PPP2R3C: variants seen among roughly 807,000 people sequenced by gnomAD.
The protein encoded by PPP2R3C is protein phosphatase 2 regulatory subunit B''gamma.
A neutral mutation model predicts 63.7 loss-of-function variants in PPP2R3C; 47 were observed. The observed-to-expected ratio is 0.74, with a 90% CI of 0.58 to 0.94. PPP2R3C has a LOEUF of 0.94. Among genes scored for constraint, PPP2R3C ranks in the 40% least tolerant of loss-of-function variants. The pLI is 0.00. For missense variants in PPP2R3C, 421 were observed against 518.4 expected (o/e 0.81, Z 1.82); for synonymous variants, 180 against 177.4 (o/e 1.01, Z -0.12).
chr14:35,119,284 T>C (rs144795523), intron 1 of PPP2R3C, among the ~76,000 whole-genome samples: 1 of 152,126 alleles, frequency 6.6e-6, no homozygotes, highest in Non-Finnish European at 1.5e-5. Context: ...GTGATCTGCC[T>C]ACCTCGGCCT....
chr14:35,116,486 C>T (rs2046712436), intron 2 of PPP2R3C, 124 bp downstream of exon 2: 12 of 661,906 alleles, frequency 1.8e-5, no homozygotes, highest in Non-Finnish European at 2.7e-5. Flanking sequence ...AATTCCTGGA[C>T]TCAAGTGATC....
At position 35,085,566 on chromosome 14, in the gene PPP2R3C, T is replaced by C. The variant is rs780760043; in HGVS notation, c.*24A>G. 3 of 1,565,572 alleles carry C rather than the reference T, an allele frequency of 1.9e-6. No homozygotes were observed. Among genetic ancestry groups the C allele is most frequent in the South Asian group, 1.2e-5 (1 of 84,154 alleles). ...TGCAGCATTCAAGTATCTCATAATA[T>C]AAGACAGTCTAGTCTTTCAGAGATC... is the stretch of plus-strand genomic sequence containing the variant. On this transcript the variant is annotated 3_prime_UTR_variant, in exon 13 of 13. Coordinates refer to ENST00000261475, the MANE Select transcript of PPP2R3C (RefSeq NM_017917.4).
At chr14:35,093,589 C>T (rs1284255863) in intron 10 of PPP2R3C, among the ~76,000 whole-genome samples, 1 of 152,102 alleles carries the variant, frequency 6.6e-6, no homozygotes, top group Middle Eastern at 3.4e-3. Context: ...ATGTAAGACC[C>T]CCCCATTCTC....
chr14:35,097,971 A>T (rs1458252135), intron 7 of PPP2R3C, among the ~76,000 whole-genome samples: 1 of 152,310 alleles, frequency 6.6e-6, no homozygotes, highest in African/African-American at 2.4e-5. Context: ...CAGTTGCCTT[A>T]CACATAAAAT....
At chr14:35,092,469 TATA>T (rs2138617269) in intron 10 of PPP2R3C, among the ~76,000 whole-genome samples, 1 of 152,012 alleles carries the variant, frequency 6.6e-6, no homozygotes, top group East Asian at 2.0e-4. Flanking sequence ...AACAGAACAG[TATA>T]ATTTTTTTTT....
intron 10 of PPP2R3C, among the ~76,000 whole-genome samples, chr14:35,094,356 A>AG: frequency 6.6e-6 from 1 of 152,098 alleles, no homozygotes; most frequent in Non-Finnish European, 1.5e-5. Flanking sequence ...TTTTTTGTAG[A>AG]GACAGTCTCG....
rs529629615 is a variant in PPP2R3C at position 35,095,273 on chromosome 14, T to C, written c.839-89A>G. The stretch of plus-strand genomic sequence containing the variant: ...TAACAAAAAGTTTTTTCTTGGTTAA[T>C]ATTTTGATTTTCAAACTATTCATGT... On this transcript the variant is annotated intron_variant, in intron 9 of 12. Transcript: ENST00000261475. 3.0e-6 allele frequency: 4 copies of C among 1,326,814 alleles called. No homozygotes were observed. The African/African-American group carries it at 4.4e-5, about 15-fold the overall frequency. 82.2% of individuals were successfully genotyped at this position (1,326,814 alleles called of 1,614,324 possible). A position where few individuals can be genotyped will look rare whatever the true frequency, so the allele number is the denominator to read the frequency against.
At chr14:35,096,512 C>A (rs775207356) in intron 9 of PPP2R3C, 46 bp downstream of exon 9, 2 of 1,550,072 alleles carry the variant, frequency 1.3e-6, no homozygotes, top group Non-Finnish European at 1.8e-6. Flanking sequence ...CACCAATTTC[C>A]TGAAGAATGG....
chr14:35,091,242 T>C (rs1313185255), intron 10 of PPP2R3C, 35 bp from the exon 11 acceptor site: 1 of 1,525,750 alleles, frequency 6.6e-7, no homozygotes, highest in Non-Finnish European at 8.8e-7. Context: ...TTAGAGGCCT[T>C]AGTTGAAATT....
chr14:35,112,677 G>A (rs758625900), intron 2 of PPP2R3C, among the ~76,000 whole-genome samples: 12 of 152,174 alleles, frequency 7.9e-5, no homozygotes, highest in Admixed American at 1.3e-4. Flanking sequence ...GATGGGAAGT[G>A]GGGGTCAAAC....
chr14:35,107,854 AATTATC>A (rs2046411469), intron 5 of PPP2R3C: 1 of 430,478 alleles, frequency 2.3e-6, no homozygotes, highest in Non-Finnish European at 4.0e-6. Flanking sequence ...GGTAAAATAA[AATTATC>A]AGTAAATTAA....
At chr14:35,100,227 T>C (rs953312800) in intron 6 of PPP2R3C, 1 of 152,188 alleles carries the variant, frequency 6.6e-6, no homozygotes, top group African/African-American at 2.4e-5. Flanking sequence ...GGACATTTAG[T>C]TTTTTCCTAA....
chr14:35,101,393 T>C (rs1305182566), intron 6 of PPP2R3C: 1 of 152,216 alleles, frequency 6.6e-6, no homozygotes, highest in African/African-American at 2.4e-5. Context: ...TCCAGTCTAA[T>C]TCCCAGGTTT....
rs2045807683 is a variant in PPP2R3C, at chr14:35,091,291, G to A, written c.976-84C>T. On this transcript the variant is annotated intron_variant, in intron 10 of 12. Transcript: ENST00000261475. ...ATATCTTATGATTTGAAGCTATTTT[G>A]CAATCAAAGGTGGCAAATTTAATTT... The A allele has an allele frequency of 2.3e-6, 3 of 1,300,092 alleles. No homozygotes were observed. The South Asian group carries it at 4.7e-5, about 20-fold the overall frequency. 80.5% of individuals were successfully genotyped at this position (1,300,092 alleles called of 1,614,324 possible). A position where few individuals can be genotyped will look rare whatever the true frequency, so the allele number is the denominator to read the frequency against.
chr14:35,121,999 C>G (rs2046920920), upstream of PPP2R3C: 2 of 1,611,442 alleles, frequency 1.2e-6, no homozygotes, highest in African/African-American at 2.7e-5. Context: ...TTGCTGTTTC[C>G]TACCTGCTCC....
chr14:35,119,849 C>CTTTTTTTTTTTTTTTTTT (rs71121267), intron 1 of PPP2R3C, among the ~76,000 whole-genome samples: 1 of 117,016 alleles, frequency 8.5e-6, no homozygotes, highest in African/African-American at 3.4e-5. Flanking sequence ...GACAGTTCAT[C>CTTTTTTTTTTTTTTTTTT]TTTTTTTTTT....
intron 9 of PPP2R3C, 40 bp from the exon 10 acceptor site, chr14:35,095,224 A>T: frequency 6.3e-7 from 1 of 1,577,840 alleles, no homozygotes; most frequent in African/African-American, 1.4e-5. Context: ...TGACCACAAT[A>T]AAATTTTAAT....
chr14:35,104,045 T>C (rs1451563317), intron 6 of PPP2R3C, among the ~76,000 whole-genome samples: 3 of 152,248 alleles, frequency 2.0e-5, no homozygotes, highest in African/African-American at 7.2e-5. Flanking sequence ...TCAATCTTTG[T>C]TTCCATCCAT....
chr14:35,097,020 C>T (rs1013624135), intron 7 of PPP2R3C, among the ~76,000 whole-genome samples: 5 of 152,074 alleles, frequency 3.3e-5, no homozygotes, highest in African/African-American at 1.2e-4. Flanking sequence ...TCCAGACCAG[C>T]CTGGCCAACA....
Sources: gnomAD v4.1 joint callset for allele counts (sites outside exome capture counted in the v4.1 genomes callset) on GRCh38, gnomAD v4.1.1 for gene constraint, MANE v1.5 for transcripts, NCBI Gene and HGNC (gene_info 2026-07-23, HGNC 2026-07-21) for gene names.